NFIB: variants seen among roughly 807,000 people sequenced by gnomAD.
NFIB encodes nuclear factor 1 B-type.
A neutral mutation model predicts 61.5 loss-of-function variants in NFIB; 11 were observed. The observed-to-expected ratio is 0.18, with a 90% CI of 0.11 to 0.30. The LOEUF (loss-of-function observed/expected upper bound fraction) is 0.30. Ranked by LOEUF, NFIB falls within the 10% of genes least tolerant of loss-of-function variation. The probability of loss-of-function intolerance (pLI) is 1.00; values close to 1 mark genes in which losing one functional copy is unlikely to be tolerated. For missense variants in NFIB, 471 were observed against 608.9 expected, an observed-to-expected ratio of 0.77 and a Z score of 2.38; for synonymous variants, 260 against 216.5, an observed-to-expected ratio of 1.20 and a Z score of -1.76.
At chr9:14,226,606 T>TAC (rs2052457476) in intron 2 of NFIB, among the ~76,000 whole-genome samples, 1 of 151,958 alleles carries the variant, frequency 6.6e-6, no homozygotes, top group Non-Finnish European at 1.5e-5. Context: ...AAATACTTCT[T>TAC]ATGAGCTTTA....
intron 2 of NFIB, among the ~76,000 whole-genome samples, chr9:14,266,815 G>T (rs550033959): frequency 6.6e-6 from 1 of 151,126 alleles, no homozygotes; most frequent in East Asian, 1.9e-4. Context: ...TTCTGTTCTC[G>T]GTCAGATCCT....
chr9:14,313,617 A>T lies in NFIB; in HGVS notation c.-106T>A. ...GTCATCTGAGCCCCGCGATGCGATC[A>T]ATCAGGACGGGGCTCTGCGCTGGAT... On this transcript the variant is annotated 5_prime_UTR_variant, in exon 1 of 11. Coordinates refer to ENST00000380953, the MANE Select transcript of NFIB (RefSeq NM_001190737.2). This position sits in a 1 kb window ranked among gnomAD's most constrained non-coding sequence, Gnocchi z 4.5. 1 of 1,598,916 alleles carries T rather than the reference A, an allele frequency of 6.3e-7. No homozygotes were observed. The highest frequency in any genetic ancestry group is 2.2e-5 in the East Asian group (1 of 44,512).
chr9:14,496,235 G>A, the NFIB span, among the ~76,000 whole-genome samples: 1 of 152,290 alleles, frequency 6.6e-6, no homozygotes, highest in Non-Finnish European at 1.5e-5. Context: ...ACATCTTGGG[G>A]ATGGAACCCA....
intron 3 of NFIB, among the ~76,000 whole-genome samples, chr9:14,178,858 AT>A (rs1352137926): frequency 6.6e-6 from 1 of 152,136 alleles, no homozygotes; most frequent in East Asian, 1.9e-4. Context: ...AACTTTTCCT[AT>A]TACTTCATAT....
At chr9:14,441,425 G>A in the NFIB span, among the ~76,000 whole-genome samples, 1 of 152,126 alleles carries the variant, frequency 6.6e-6, no homozygotes, top group Non-Finnish European at 1.5e-5. Flanking sequence ...TATTTGTGTA[G>A]TGAAGTCCCT....
intron 1 of NFIB, among the ~76,000 whole-genome samples, chr9:14,372,572 C>T (rs2061369954): frequency 6.6e-6 from 1 of 152,084 alleles, no homozygotes; most frequent in African/African-American, 2.4e-5. Context: ...GCCTTATTCT[C>T]TAATTACAGT....
chr9:14,408,832 T>C, the NFIB span, among the ~76,000 whole-genome samples: 6 of 152,216 alleles, frequency 3.9e-5, no homozygotes, highest in African/African-American at 1.2e-4. Context: ...AAGTGCTTCA[T>C]AAATATCATT....
the NFIB span, among the ~76,000 whole-genome samples, chr9:14,425,755 G>C: frequency 1.3e-5 from 2 of 151,862 alleles, no homozygotes; most frequent in South Asian, 2.1e-4. Context: ...TGGACCATGG[G>C]CTACTTCACT....
intron 6 of NFIB, among the ~76,000 whole-genome samples, chr9:14,145,926 T>C (rs776795624): frequency 7.9e-5 from 12 of 152,158 alleles, no homozygotes; most frequent in Non-Finnish European, 1.5e-4. Flanking sequence ...ATGTTTATGC[T>C]GCTGACATTA....
At chr9:14,403,750 C>T (rs2061764954), upstream of NFIB, among the ~76,000 whole-genome samples, 1 of 152,118 alleles carries the variant, frequency 6.6e-6, no homozygotes, top group Non-Finnish European at 1.5e-5. Context: ...AAAATATTGT[C>T]ATGTAATATC....
In NFIB at chr9:14,085,137, C is replaced by A. The variant is rs1365052776; in HGVS notation, c.*3172G>T. The stretch of plus-strand genomic sequence containing the variant: ...ACTTTTGAACTTGCACTGCTAGGAT[C>A]CCGCTGTGCTGTTCAGCATTTGGGC... On this transcript the variant is annotated 3_prime_UTR_variant, in exon 11 of 11. Coordinates refer to ENST00000380953, the MANE Select transcript of NFIB (RefSeq NM_001190737.2). The A allele has an allele frequency of 4.4e-6, 1 of 229,736 alleles. No individual in the cohort carries two copies. Among genetic ancestry groups the A allele is most frequent in the East Asian group, 6.2e-5 (1 of 16,108 alleles). 14.2% of individuals were successfully genotyped at this position (229,736 alleles called of 1,614,324 possible).
intron 7 of NFIB, among the ~76,000 whole-genome samples, chr9:14,123,281 A>C (rs951235724): frequency 6.6e-6 from 1 of 151,952 alleles, no homozygotes; most frequent in African/African-American, 2.4e-5. Flanking sequence ...AGAAAAAAAA[A>C]TAAGAAAAGT....
chr9:14,493,561 C>T, the NFIB span, among the ~76,000 whole-genome samples: 3 of 152,150 alleles, frequency 2.0e-5, no homozygotes, highest in Admixed American at 1.3e-4. Context: ...AAATAAACAT[C>T]TTGAGAGCAA....
At chr9:14,464,936 T>G in the NFIB span, among the ~76,000 whole-genome samples, 5 of 152,148 alleles carry the variant, frequency 3.3e-5, no homozygotes, top group Non-Finnish European at 5.9e-5. Context: ...ACCTGTCATG[T>G]GGAATGTACT....
rs74869181 is a variant in NFIB, at chr9:14,238,399, C to A, written c.563-58619G>T. On this transcript the variant is annotated intron_variant, in intron 2 of 10. Transcript: ENST00000380953. ...AGACAGTCTTGTGAAGAGTTTAATA[C>A]GTAAGGTTACATTAAAAATTCACTG... 6.7e-3 allele frequency among the ~76,000 whole-genome samples: 1,016 copies of A among 152,178 alleles called. 10 individuals are homozygous for A. The highest frequency in any genetic ancestry group is 0.018 in the South Asian group (85 of 4,822).
the NFIB span, among the ~76,000 whole-genome samples, chr9:14,478,595 C>T: frequency 6.6e-6 from 1 of 152,108 alleles, no homozygotes; most frequent in Admixed American, 6.6e-5. Context: ...TATTATTACG[C>T]AATTTGCTTT....
the NFIB span, among the ~76,000 whole-genome samples, chr9:14,460,082 A>G: frequency 8.5e-5 from 13 of 152,160 alleles, no homozygotes; most frequent in African/African-American, 2.7e-4. Context: ...TGTTTATTGC[A>G]GCACTATTCA....
intron 6 of NFIB, among the ~76,000 whole-genome samples, chr9:14,138,929 T>C (rs1215924335): frequency 6.6e-6 from 1 of 152,088 alleles, no homozygotes; most frequent in African/African-American, 2.4e-5. Flanking sequence ...TGTAAAATTT[T>C]ACCATCTCAA....
At chr9:14,513,695 T>C in the NFIB span, among the ~76,000 whole-genome samples, 2 of 151,562 alleles carry the variant, frequency 1.3e-5, no homozygotes, top group East Asian at 3.9e-4. Context: ...AAAGCTATAG[T>C]TTTTTTTCTT....
Sources: gnomAD v4.1 joint callset for allele counts (sites outside exome capture counted in the v4.1 genomes callset) on GRCh38, gnomAD v4.1.1 for gene constraint, Gnocchi (gnomAD v3.1) non-coding constraint, MANE v1.5 for transcripts, NCBI Gene and HGNC (gene_info 2026-07-23, HGNC 2026-07-21) for gene names.